The following LRRCC1 variants were observed in gnomAD, a reference collection of about 807,000 sequenced individuals.
LRRCC1 encodes leucine rich repeat and coiled-coil centrosomal protein 1.
Under a neutral mutation model 126.0 loss-of-function variants are expected in LRRCC1, and 115 were observed. The observed-to-expected ratio is 0.91, with a 90% CI of 0.78 to 1.07. The LOEUF is 1.07. LRRCC1 is among the 50% of genes least tolerant of loss of function. The pLI, the probability that LRRCC1 is intolerant of heterozygous loss-of-function variation, is 0.00. For missense variants in LRRCC1, 1,172 were observed against 1,175.7 expected (o/e 1.00, Z 0.05); for synonymous variants, 400 against 393.4 (o/e 1.02, Z -0.20).
At chr8:85,143,428 A>G (rs376496993) in intron 18 of LRRCC1, among the ~76,000 whole-genome samples, 9 of 152,246 alleles carry the variant, frequency 5.9e-5, no homozygotes, top group East Asian at 1.9e-4. Context: ...ACTCAAGACC[A>G]GGAGTTCAAG....
chr8:85,130,755 G>C (rs1307791640), intron 11 of LRRCC1, among the ~76,000 whole-genome samples: 1 of 152,162 alleles, frequency 6.6e-6, no homozygotes, highest in African/African-American at 2.4e-5. Flanking sequence ...AGGGGTCAGT[G>C]AACTTTTTCT....
chr8:85,129,507 T>G, intron 10 of LRRCC1, 128 bp downstream of exon 10: 2 of 742,392 alleles, frequency 2.7e-6, no homozygotes, highest in Non-Finnish European at 4.4e-6. Flanking sequence ...AAATTGCTGT[T>G]AATTTAACGG....
At chr8:85,132,549 C>T (rs879839060) in intron 12 of LRRCC1, among the ~76,000 whole-genome samples, 9 of 152,000 alleles carry the variant, frequency 5.9e-5, no homozygotes, top group Non-Finnish European at 1.2e-4. Flanking sequence ...CAGGCCACCA[C>T]GCCCGCCTAA....
chr8:85,130,333 G>C (rs1384433180), intron 11 of LRRCC1, among the ~76,000 whole-genome samples: 1 of 150,678 alleles, frequency 6.6e-6, no homozygotes, highest in Admixed American at 6.6e-5. Flanking sequence ...TAGTAGAGAT[G>C]GGGTTTCACC....
chr8:85,115,537 A>G lies in LRRCC1; in HGVS notation c.883A>G (p.Ile295Val). Residue 295 changes from isoleucine to valine, a missense_variant, in exon 6 of 19, where the codon ATA (isoleucine) becomes GTA (valine). Coordinates refer to ENST00000360375, the MANE Select transcript of LRRCC1 (RefSeq NM_033402.5). ...NNHENDLQNE[I>V]KLQKLDDQIL... ...TCATGAAAACGATTTGCAGAATGAG[A>G]TAAAACTTCAGAAATTAGATGACCA... is the stretch of plus-strand genomic sequence containing the variant. The G allele has an allele frequency of 6.2e-7, 1 of 1,613,280 alleles. No homozygotes were observed. The highest frequency in any genetic ancestry group is 8.5e-7 in the Non-Finnish European group (1 of 1,179,540).
Position 85,134,980 on chromosome 8 carries a change from C to A in LRRCC1, c.2102C>A (p.Thr701Lys). 1 of 1,554,460 alleles carries A rather than the reference C, an allele frequency of 6.4e-7. No homozygotes were observed. ...DLTCMVKEQKTKLAEVSKLKQ... is the reference protein window; with the variant it reads ...DLTCMVKEQKKKLAEVSKLKQ... Reference sequence around the variant, plus strand: ...ACCTGTATGGTAAAGGAACAAAAAACAAAACTGGCAGAAGTTTCTAAATTG... The same window carrying A: ...ACCTGTATGGTAAAGGAACAAAAAAAAAAACTGGCAGAAGTTTCTAAATTG... Residue 701 changes from threonine (T) to lysine (K), a missense_variant, in exon 13 of 19, where the codon ACA becomes AAA. Thr to Lys is a moderately conservative substitution (Grantham distance 78). Transcript: ENST00000360375.
At chr8:85,124,305 A>T (rs1809794467) in intron 7 of LRRCC1, among the ~76,000 whole-genome samples, 1 of 152,130 alleles carries the variant, frequency 6.6e-6, no homozygotes, top group Non-Finnish European at 1.5e-5. Flanking sequence ...TTTTACATGT[A>T]TATATACCCA....
intron 14 of LRRCC1, 79 bp downstream of exon 14, chr8:85,136,042 T>A: frequency 8.2e-7 from 1 of 1,220,680 alleles, no homozygotes; most frequent in African/African-American, 1.6e-5. Context: ...AGAAAAAGAC[T>A]CAACTCTGCC....
chr8:85,135,640 CT>C (rs927077246), intron 13 of LRRCC1, 148 bp from the exon 14 acceptor site: 1 of 445,990 alleles, frequency 2.2e-6, no homozygotes, highest in African/African-American at 2.0e-5. Flanking sequence ...CTACATTTGT[CT>C]TTAGTAAAAC....
chr8:85,138,737 C>T (rs1220831462), intron 17 of LRRCC1, among the ~76,000 whole-genome samples: 2 of 152,084 alleles, frequency 1.3e-5, no homozygotes, highest in African/African-American at 4.8e-5. Flanking sequence ...TAGAACAGTG[C>T]CTGACACATA....
chr8:85,132,553 C>T (rs370572899), intron 12 of LRRCC1, among the ~76,000 whole-genome samples: 10 of 152,106 alleles, frequency 6.6e-5, no homozygotes, highest in East Asian at 1.9e-4. Context: ...CCACCACGCC[C>T]GCCTAATTTT....
chr8:85,115,702 G>T lies in LRRCC1; in HGVS notation c.930+118G>T, dbSNP rs888615290. The T allele has an allele frequency of 4.4e-6, 3 of 688,638 alleles. No individual in the cohort carries two copies. The African/African-American group carries it at 5.4e-5, about 12-fold the overall frequency. The allele number at this position is 688,638 out of a possible 1,614,324, so 42.7% of individuals were successfully genotyped here. A position where few individuals can be genotyped will look rare whatever the true frequency, so the allele number is the denominator to read the frequency against. On this transcript the variant is annotated intron_variant, in intron 6 of 18. Coordinates refer to ENST00000360375, the MANE Select transcript of LRRCC1 (RefSeq NM_033402.5). Reference sequence around the variant, plus strand: ...CCTATTTTAGTGCATCAGTGTTCGTGTATTTTTGTTTTCCTCTACAGAAAT... The same window carrying T: ...CCTATTTTAGTGCATCAGTGTTCGTTTATTTTTGTTTTCCTCTACAGAAAT...
At chr8:85,120,467 G>A (rs1238795131) in intron 6 of LRRCC1, among the ~76,000 whole-genome samples, 5 of 151,976 alleles carry the variant, frequency 3.3e-5, no homozygotes, top group Non-Finnish European at 7.4e-5. Context: ...TTGGTCTTTC[G>A]GATGAAGTTA....
intron 13 of LRRCC1, 23 bp downstream of exon 13, chr8:85,135,055 G>A: frequency 7.0e-7 from 1 of 1,425,266 alleles, no homozygotes; most frequent in Non-Finnish European, 9.2e-7. Context: ...AACATTATAT[G>A]TTTTAAAATT....
chr8:85,128,023 G>A (rs1008932038), intron 9 of LRRCC1, among the ~76,000 whole-genome samples: 1 of 152,174 alleles, frequency 6.6e-6, no homozygotes, highest in Non-Finnish European at 1.5e-5. Context: ...CTGAGTCATG[G>A]ACAGATAGTA....
intron 18 of LRRCC1, 71 bp from the exon 19 acceptor site, chr8:85,145,313 CCTTTT>C: frequency 8.7e-7 from 1 of 1,147,268 alleles, no homozygotes; most frequent in Non-Finnish European, 1.2e-6. Flanking sequence ...AAATTTTGGA[CCTTTT>C]CTTTCAGAAT....
At chr8:85,128,342 T>C (rs977240966) in intron 9 of LRRCC1, among the ~76,000 whole-genome samples, 2 of 152,204 alleles carry the variant, frequency 1.3e-5, no homozygotes, top group African/African-American at 2.4e-5. Context: ...CCTATTGTTG[T>C]GCCCGTGTTT....
intron 10 of LRRCC1, among the ~76,000 whole-genome samples, chr8:85,129,594 G>A (rs114594987): frequency 7.6e-4 from 116 of 152,294 alleles, no homozygotes; most frequent in African/African-American, 2.7e-3. Context: ...AAAAGTTGAT[G>A]GAAATGTTGC....
At chr8:85,144,670 G>A (rs1056053022) in intron 18 of LRRCC1, among the ~76,000 whole-genome samples, 2 of 146,772 alleles carry the variant, frequency 1.4e-5, no homozygotes, top group African/African-American at 4.9e-5. Flanking sequence ...CTCCATGTTG[G>A]CCAGGCTGGT....
Sources: gnomAD v4.1 joint callset for allele counts (sites outside exome capture counted in the v4.1 genomes callset) on GRCh38, gnomAD v4.1.1 for gene constraint, MANE v1.5 for transcripts, NCBI Gene and HGNC (gene_info 2026-07-23, HGNC 2026-07-21) for gene names.